LRPPRC: variants seen among roughly 807,000 people sequenced by gnomAD.
LRPPRC encodes leucine rich pentatricopeptide repeat containing.
Under a neutral mutation model 180.3 loss-of-function variants are expected in LRPPRC, and 120 were observed. The observed-to-expected ratio is 0.67, with a 90% CI of 0.57 to 0.77. LRPPRC has a LOEUF of 0.77. Ranked by LOEUF, LRPPRC falls within the 30% of genes least tolerant of loss-of-function variation. LRPPRC has a pLI of 0.00. For missense variants in LRPPRC, 2,012 were observed against 1,657.2 expected (o/e 1.21, Z -3.72); for synonymous variants, 723 against 600.0 (o/e 1.21, Z -3.00).
intron 29 of LRPPRC, among the ~76,000 whole-genome samples, chr2:43,913,571 T>C (rs1671339284): frequency 6.6e-6 from 1 of 152,184 alleles, no homozygotes; most frequent in African/African-American, 2.4e-5. Context: ...TAAACTTAAG[T>C]GGCACTGTCA....
chr2:43,919,121 A>G (rs1671604619), intron 27 of LRPPRC, among the ~76,000 whole-genome samples: 1 of 152,150 alleles, frequency 6.6e-6, no homozygotes, highest in Admixed American at 6.5e-5. Flanking sequence ...TTAGATTCTC[A>G]TAGGAGTGCC....
Position 43,919,442 on chromosome 2 carries a change from G to C in LRPPRC, c.2897-1044C>G, listed in dbSNP as rs1671617629. Among the ~76,000 whole-genome samples, 3 of 152,124 alleles carry C rather than the reference G, an allele frequency of 2.0e-5. No individual in the cohort carries two copies. The South Asian group carries it at 6.2e-4, about 32-fold the overall frequency. On this transcript the variant is annotated intron_variant, in intron 27 of 37. Transcript: ENST00000260665. ...GAATAGAGAATTGTCTATGTTTCTT[G>C]TGTTGACATGAAGAGTTTCTATGAC...
chr2:43,913,422 A>C (rs1671333837), intron 29 of LRPPRC, among the ~76,000 whole-genome samples: 1 of 152,222 alleles, frequency 6.6e-6, no homozygotes, highest in Non-Finnish European at 1.5e-5. Flanking sequence ...AAGGAAATAT[A>C]AAACTTCTAA....
Position 43,943,696 on chromosome 2 carries a change from T to A in LRPPRC, c.2495A>T (p.His832Leu). ...AATTCAATTAACTTACTTTTCCAAG[T>A]GTACAGTGACCAATGGGAAACTTAT... The part of the protein sequence containing the change: ...TNISFPLVTV[H>L]LEKGDLSTAL... The change falls in exon 23 of 38, where the codon CAC becomes CTC. Residue 832 changes from histidine (H) to leucine (L), a missense_variant. His to Leu is a moderately conservative substitution (Grantham distance 99). Transcript: ENST00000260665. 1.2e-6 allele frequency: 2 copies of A among 1,612,474 alleles called. No homozygotes were observed. Among genetic ancestry groups the A allele is most frequent in the South Asian group, 2.2e-5 (2 of 91,056 alleles).
intron 34 of LRPPRC, among the ~76,000 whole-genome samples, chr2:43,898,884 ATTG>A (rs1286432605): frequency 6.6e-6 from 1 of 152,134 alleles, no homozygotes; most frequent in African/African-American, 2.4e-5. Context: ...AATCAAAGGA[ATTG>A]TTGTTTTGCA....
chr2:43,958,366 G>C (rs1255101081), intron 13 of LRPPRC, among the ~76,000 whole-genome samples: 1 of 152,226 alleles, frequency 6.6e-6, no homozygotes, highest in Non-Finnish European at 1.5e-5. Context: ...TACAGTTTAA[G>C]TGAAGGTTAA....
chr2:43,942,615 A>C (rs1397387337), intron 23 of LRPPRC, among the ~76,000 whole-genome samples: 1 of 152,126 alleles, frequency 6.6e-6, no homozygotes, highest in African/African-American at 2.4e-5. Context: ...TTTAAAATTC[A>C]ACACTAAATC....
chr2:43,994,559 G>A (rs957772460), intron 1 of LRPPRC, among the ~76,000 whole-genome samples: 1 of 151,466 alleles, frequency 6.6e-6, no homozygotes, highest in South Asian at 2.1e-4. Context: ...GCATAATGCA[G>A]ATAATTTGAG....
rs189675905 is a variant in LRPPRC at position 43,975,235 on chromosome 2, A to G, written c.738-18T>C. 2.2e-3 allele frequency: 3,559 copies of G among 1,609,296 alleles called. 6 individuals carry two copies. Among genetic ancestry groups the G allele is most frequent in the Middle Eastern group, 3.5e-3 (21 of 6,056 alleles). ...CCATATCACTACAAGTTAATTCAAA[A>G]AACAGATTATTATGCTTTTGCCAAA... On this transcript the variant is annotated intron_variant, in intron 6 of 37. Coordinates refer to ENST00000260665, the MANE Select transcript of LRPPRC (RefSeq NM_133259.4).
intron 1 of LRPPRC, among the ~76,000 whole-genome samples, chr2:43,989,069 C>T (rs1236944443): frequency 6.6e-6 from 1 of 152,084 alleles, no homozygotes; most frequent in Admixed American, 6.5e-5. Flanking sequence ...ACAGGAGTCT[C>T]ACTATGTTGC....
intron 3 of LRPPRC, among the ~76,000 whole-genome samples, chr2:43,978,556 C>A (rs1318058034): frequency 5.9e-5 from 9 of 152,170 alleles, no homozygotes. Context: ...GACTTACTGA[C>A]ATACAGAAAT....
At position 43,973,645 on chromosome 2, in the gene LRPPRC, G is replaced by A; in HGVS notation, c.1331C>T (p.Pro444Leu). 6 of 1,613,914 alleles carry A rather than the reference G, an allele frequency of 3.7e-6. No individual in the cohort carries two copies. Among genetic ancestry groups the A allele is most frequent in the Non-Finnish European group, 5.1e-6 (6 of 1,179,830 alleles). The change falls in exon 11 of 38, where the codon CCA becomes CTA. Residue 444 changes from proline to leucine, a missense_variant. Coordinates refer to ENST00000260665, the MANE Select transcript of LRPPRC (RefSeq NM_133259.4). ...GFPIRPHYFW[P>L]LLVGRRKEKN... ...TTCCTTCCGACGTCCAACTAGCAAT[G>A]GCCAGAAATAGTGAGGTCTGATAGG...
At chr2:43,914,245 T>G (rs10201574) in intron 29 of LRPPRC, among the ~76,000 whole-genome samples, 1,756 of 152,348 alleles carry the variant, frequency 0.012, 28 homozygotes, top group African/African-American at 0.04. Flanking sequence ...TGTTAGTTTT[T>G]TTTTTAATTA....
intron 1 of LRPPRC, among the ~76,000 whole-genome samples, chr2:43,985,008 G>GTT (rs369157753): frequency 7.4e-4 from 109 of 147,856 alleles, no homozygotes; most frequent in Non-Finnish European, 1.2e-3. Flanking sequence ...ATTAAGGTGG[G>GTT]TTTTTTTTTA....
intron 6 of LRPPRC, 72 bp downstream of exon 6, chr2:43,976,071 A>C (rs1674040815): frequency 1.2e-6 from 1 of 843,838 alleles, no homozygotes; most frequent in Non-Finnish European, 2.0e-6. Flanking sequence ...CAAACAAAAA[A>C]GGAGTAAAAT....
chr2:43,955,446 G>A (rs535134115), intron 14 of LRPPRC, among the ~76,000 whole-genome samples: 12 of 149,104 alleles, frequency 8.0e-5, no homozygotes, highest in African/African-American at 3.0e-4. Context: ...TGCAGCCTGG[G>A]TGACAGAGCA....
chr2:43,948,106 G>A lies in LRPPRC; in HGVS notation c.1920+16C>T. ...AGTTAAGCATTTTATCCAGTTGATT[G>A]CTATTTCACACACACCTTAATCAAT... is the stretch of plus-strand genomic sequence containing the variant. On this transcript the variant is annotated intron_variant, in intron 18 of 37. Coordinates refer to ENST00000260665, the MANE Select transcript of LRPPRC (RefSeq NM_133259.4). The A allele has an allele frequency of 6.8e-7, 1 of 1,479,980 alleles. No individual in the cohort carries two copies. The allele number at this position is 1,479,980 out of a possible 1,614,324, so 91.7% of individuals were successfully genotyped here.
Position 43,887,721 on chromosome 2 carries a change from G to A in LRPPRC, c.*879C>T. On this transcript the variant is annotated 3_prime_UTR_variant, in exon 38 of 38. Coordinates refer to ENST00000260665, the MANE Select transcript of LRPPRC (RefSeq NM_133259.4). ...TTTTTTTGAAGTCACTACTTACAGTGTAGATATTAACAGGCATGAGATTCA... is the reference window on the plus strand; with the variant it reads ...TTTTTTTGAAGTCACTACTTACAGTATAGATATTAACAGGCATGAGATTCA... The A allele has an allele frequency of 6.6e-6, 1 of 152,168 alleles. No homozygotes were observed. Among genetic ancestry groups the A allele is most frequent in the East Asian group, 1.9e-4 (1 of 5,196 alleles). The allele number at this position is 152,168 out of a possible 1,614,324, so 9.4% of individuals were successfully genotyped here. A position where few individuals can be genotyped will look rare whatever the true frequency, so the allele number is the denominator to read the frequency against.
rs115697604 is a variant in LRPPRC, at chr2:43,989,405, T to A, written c.149+6394A>T. ...CATCTCCCAGGATCCTCCAGTCAAA[T>A]GGGATGTCTCCTGTGTCTCACCTAT... On this transcript the variant is annotated intron_variant, in intron 1 of 37. Coordinates refer to ENST00000260665, the MANE Select transcript of LRPPRC (RefSeq NM_133259.4). Among the ~76,000 whole-genome samples, 982 of 152,290 alleles carry A rather than the reference T, an allele frequency of 6.4e-3. 11 individuals are homozygous for A. The highest frequency in any genetic ancestry group is 0.022 in the African/African-American group (934 of 41,546).
Sources: allele counts gnomAD v4.1 joint callset (sites outside exome capture counted in the v4.1 genomes callset), GRCh38; gene constraint gnomAD v4.1.1; transcripts MANE v1.5; gene names NCBI Gene and HGNC (gene_info 2026-07-23, HGNC 2026-07-21).